The following STK32B variants were observed in gnomAD, a reference collection of about 807,000 sequenced individuals.
STK32B encodes serine/threonine kinase 32B.
STK32B carries 43 observed loss-of-function variants against 52.6 expected under a neutral mutation model. The observed-to-expected ratio is 0.82, with a 90% confidence interval of 0.64 to 1.05. The LOEUF is 1.05. STK32B is among the 50% of genes least tolerant of loss of function. The pLI is 0.00. For missense variants in STK32B, 621 were observed against 534.6 expected (o/e 1.16, Z -1.59); for synonymous variants, 238 against 204.3 (o/e 1.17, Z -1.41).
chr4:5,298,485 G>A (rs4280677), intron 3 of STK32B, among the ~76,000 whole-genome samples: 20,804 of 152,020 alleles, frequency 0.14, 2,850 homozygotes, highest in African/African-American at 0.36. Flanking sequence ...TGCCCTGCCC[G>A]GTGAGGAGGA....
intron 3 of STK32B, among the ~76,000 whole-genome samples, chr4:5,258,904 A>G (rs781341943): frequency 6.6e-6 from 1 of 152,208 alleles, no homozygotes; most frequent in African/African-American, 2.4e-5. Flanking sequence ...GCAATCGTCT[A>G]TGAGGCTCCA....
At chr4:5,468,195 G>A in intron 11 of STK32B, 125 bp downstream of exon 11, 2 of 886,630 alleles carry the variant, frequency 2.3e-6, no homozygotes, top group Non-Finnish European at 1.8e-6. Flanking sequence ...TATCGCTGAG[G>A]TGAGACACAG....
At chr4:5,464,019 C>T (rs549004146) in intron 9 of STK32B, among the ~76,000 whole-genome samples, 2 of 152,324 alleles carry the variant, frequency 1.3e-5, no homozygotes, top group Admixed American at 6.5e-5. Flanking sequence ...ATCAGCTTTG[C>T]TTCTGGGGAG....
At chr4:5,457,216 T>C (rs9291093) in intron 8 of STK32B, among the ~76,000 whole-genome samples, 281 of 141,674 alleles carry the variant, frequency 2.0e-3, no homozygotes, top group East Asian at 0.014. Context: ...TTTTTTCTTT[T>C]TTTTTTTTTT....
At chr4:5,209,866 G>T (rs866663892) in intron 3 of STK32B, among the ~76,000 whole-genome samples, 11 of 152,112 alleles carry the variant, frequency 7.2e-5, no homozygotes, top group African/African-American at 2.7e-4. Flanking sequence ...ACAGAATCAG[G>T]ATATGGCCCC....
intron 11 of STK32B, among the ~76,000 whole-genome samples, chr4:5,480,283 G>A (rs971498494): frequency 1.3e-5 from 2 of 152,110 alleles, no homozygotes; most frequent in South Asian, 4.1e-4. Context: ...ATGAGTGACC[G>A]TGGCCCATGA....
chr4:5,108,368 A>G (rs1348800648), intron 1 of STK32B, among the ~76,000 whole-genome samples: 1 of 151,938 alleles, frequency 6.6e-6, no homozygotes, highest in Non-Finnish European at 1.5e-5. Flanking sequence ...TTGGATATTC[A>G]TTTTGGAGGG....
intron 1 of STK32B, among the ~76,000 whole-genome samples, chr4:5,090,864 A>G (rs542796116): frequency 4.5e-4 from 69 of 152,286 alleles, no homozygotes; most frequent in East Asian, 1.4e-3. Context: ...GTTCTGCTCT[A>G]TTGGTCTATA....
intron 3 of STK32B, among the ~76,000 whole-genome samples, chr4:5,223,628 A>C (rs1305636944): frequency 6.6e-6 from 1 of 151,912 alleles, no homozygotes; most frequent in Non-Finnish European, 1.5e-5. Context: ...CCTGGTTAAC[A>C]TGGTGAAACC....
chr4:5,432,990 T>G (rs1713726825), intron 6 of STK32B, among the ~76,000 whole-genome samples: 1 of 152,132 alleles, frequency 6.6e-6, no homozygotes, highest in African/African-American at 2.4e-5. Context: ...GGAGCTGAGG[T>G]TCAGTTGCAG....
At chr4:5,045,514 T>C in the STK32B span, among the ~76,000 whole-genome samples, 2 of 152,238 alleles carry the variant, frequency 1.3e-5, no homozygotes. Context: ...AGTATGGCCA[T>C]TTTTATGATA....
intron 1 of STK32B, among the ~76,000 whole-genome samples, chr4:5,102,510 C>CTCCCTCCT (rs1215028594): frequency 0.041 from 4,985 of 123,086 alleles, 204 homozygotes; most frequent in East Asian, 0.11. Flanking sequence ...CCCTCCCTCC[C>CTCCCTCCT]TCCTTCCTTC....
intron 11 of STK32B, among the ~76,000 whole-genome samples, chr4:5,487,733 G>C (rs1440115170): frequency 6.6e-6 from 1 of 152,206 alleles, no homozygotes; most frequent in Non-Finnish European, 1.5e-5. Flanking sequence ...TCGAGGAGGG[G>C]AGGAGTCTTA....
At chr4:5,167,694 A>G (rs922672989) in intron 2 of STK32B, among the ~76,000 whole-genome samples, 1 of 152,358 alleles carries the variant, frequency 6.6e-6, no homozygotes, top group Admixed American at 6.5e-5. Flanking sequence ...GGTGACGGGC[A>G]AGGGAGTGGG....
At chr4:5,234,994 G>A (rs939817897) in intron 3 of STK32B, among the ~76,000 whole-genome samples, 1 of 152,216 alleles carries the variant, frequency 6.6e-6, no homozygotes, top group African/African-American at 2.4e-5. Context: ...ACCAAGCACA[G>A]TGCCAGGAAT....
chr4:5,141,515 G>C (rs1716450745), intron 2 of STK32B, among the ~76,000 whole-genome samples: 1 of 152,190 alleles, frequency 6.6e-6, no homozygotes, highest in African/African-American at 2.4e-5. Context: ...AGTGGGAAGA[G>C]AAGGCTTGGG....
intron 5 of STK32B, among the ~76,000 whole-genome samples, chr4:5,408,116 A>G (rs891487160): frequency 3.3e-5 from 5 of 152,134 alleles, no homozygotes; most frequent in African/African-American, 9.7e-5. Context: ...TAATCAGTCT[A>G]TGACATTCTG....
chr4:5,158,627 G>A (rs553689910), intron 2 of STK32B, among the ~76,000 whole-genome samples: 2 of 152,252 alleles, frequency 1.3e-5, no homozygotes, highest in South Asian at 2.1e-4. Context: ...AGTTGGGGGC[G>A]GAACAACAAA....
At chr4:5,258,853 C>T (rs746906721) in intron 3 of STK32B, among the ~76,000 whole-genome samples, 4 of 152,196 alleles carry the variant, frequency 2.6e-5, no homozygotes, top group Non-Finnish European at 4.4e-5. Context: ...TCAACCAGCC[C>T]CAGGTTCTCC....
Sources: gnomAD v4.1 joint callset for allele counts (sites outside exome capture counted in the v4.1 genomes callset) on GRCh38, gnomAD v4.1.1 for gene constraint, MANE v1.5 for transcripts, NCBI Gene and HGNC (gene_info 2026-07-23, HGNC 2026-07-21) for gene names.